GRIP2: variants seen among roughly 807,000 people sequenced by gnomAD.
The protein encoded by GRIP2 is glutamate receptor interacting protein 2, also known as glutamate receptor-interacting protein 2.
GRIP2 carries 58 observed loss-of-function variants against 108.3 expected under a neutral mutation model. That is an observed-to-expected ratio of 0.54 (90% CI 0.43 to 0.67). GRIP2 has a LOEUF of 0.67. Ranked by LOEUF, GRIP2 falls within the 30% of genes least tolerant of loss-of-function variation. GRIP2 has a pLI of 0.00. For missense variants in GRIP2, 1,278 were observed against 1,430.6 expected, an observed-to-expected ratio of 0.89 and a Z score of 1.72; for synonymous variants, 586 against 598.2, an observed-to-expected ratio of 0.98 and a Z score of 0.30.
chr3:14,540,193 T>C lies in GRIP2; in HGVS notation c.40+76A>G, dbSNP rs1002533242. On this transcript the variant is annotated intron_variant, in intron 1 of 23. Transcript: ENST00000621039. This position sits in a 1 kb window ranked among gnomAD's most constrained non-coding sequence, Gnocchi z 4.1. Reference sequence around the variant, plus strand: ...CCCAGGTCTCAGCCATCCAGTCCCCTCTCTCTGGGCAGCAGCTCCAGAGGG... The same window carrying C: ...CCCAGGTCTCAGCCATCCAGTCCCCCCTCTCTGGGCAGCAGCTCCAGAGGG... The C allele has an allele frequency of 2.3e-5, 35 of 1,541,712 alleles. No homozygotes were observed. The highest frequency in any genetic ancestry group is 2.8e-5 in the Non-Finnish European group (32 of 1,132,610).
the GRIP2 span, among the ~76,000 whole-genome samples, chr3:14,602,631 C>T: frequency 2.6e-5 from 4 of 151,702 alleles, no homozygotes; most frequent in South Asian, 4.1e-4. The surrounding 1 kb of genome is among the most constrained non-coding windows in gnomAD (Gnocchi z 4.7). Flanking sequence ...AGACCCTTCG[C>T]TCCAGCCCCC....
At chr3:14,593,492 G>C in the GRIP2 span, among the ~76,000 whole-genome samples, 5 of 152,216 alleles carry the variant, frequency 3.3e-5, no homozygotes, top group East Asian at 5.8e-4. Context: ...TGGACAGAAG[G>C]CATCACACAA....
Position 14,490,655 on chromosome 3 carries a change from T to G in GRIP2, c.*3010A>C, listed in dbSNP as rs541652668. 6.6e-6 allele frequency: 1 copy of G among 152,344 alleles called. No individual in the cohort carries two copies. Among genetic ancestry groups the G allele is most frequent in the African/African-American group, 2.4e-5 (1 of 41,472 alleles). The allele number at this position is 152,344 out of a possible 1,614,324, so 9.4% of individuals were successfully genotyped here. ...TACCCAAGCCTTCACGACTGATTCC[T>G]GCTACCTCCAACCTAGTCTCCAGCC... On this transcript the variant is annotated 3_prime_UTR_variant, in exon 24 of 24. Transcript: ENST00000621039.
chr3:14,554,012 A>C (rs1023542847), intron 1 of GRIP2, among the ~76,000 whole-genome samples: 1 of 152,084 alleles, frequency 6.6e-6, no homozygotes, highest in African/African-American at 2.4e-5. Flanking sequence ...CCCAGATGTG[A>C]CTGCCCTGGG....
At chr3:14,514,164 A>C in intron 12 of GRIP2, 128 bp downstream of exon 12, 1 of 913,460 alleles carries the variant, frequency 1.1e-6, no homozygotes, top group Non-Finnish European at 1.6e-6. Context: ...CTCATCTGTA[A>C]AATGGGGCTG....
At chr3:14,515,791 G>A (rs1016547723) in intron 11 of GRIP2, among the ~76,000 whole-genome samples, 1 of 151,984 alleles carries the variant, frequency 6.6e-6, no homozygotes, top group Non-Finnish European at 1.5e-5. Context: ...CACCATACAA[G>A]GCTAATTTGT....
chr3:14,528,175 A>T (rs1273886516), intron 1 of GRIP2, among the ~76,000 whole-genome samples: 1 of 152,162 alleles, frequency 6.6e-6, no homozygotes, highest in African/African-American at 2.4e-5. Context: ...TACGCTTTTG[A>T]GTCTAGTTTC....
intron 1 of GRIP2, among the ~76,000 whole-genome samples, chr3:14,550,922 C>A (rs1350545384): frequency 6.6e-6 from 1 of 152,206 alleles, no homozygotes; most frequent in Non-Finnish European, 1.5e-5. Context: ...TTCGCCTGCC[C>A]ACCTGCCCAC....
At chr3:14,508,937 C>A (rs906190265) in intron 17 of GRIP2, among the ~76,000 whole-genome samples, 1 of 152,148 alleles carries the variant, frequency 6.6e-6, no homozygotes, top group African/African-American at 2.4e-5. Flanking sequence ...CCGGCGAAGG[C>A]AGGAGGGTTG....
Position 14,521,872 on chromosome 3 carries a change from G to A in GRIP2, c.567-85C>T. The stretch of plus-strand genomic sequence containing the variant: ...GGGAGGGCGCTGGGAAGCGGGACAT[G>A]GAGGATGAAGAAGCAGGGAATGGGT... On this transcript the variant is annotated intron_variant, in intron 6 of 23. Transcript: ENST00000621039. The surrounding 1 kb of genome is among the most constrained non-coding windows in gnomAD (Gnocchi z 5.1). 7.6e-7 allele frequency: 1 copy of A among 1,313,158 alleles called. No homozygotes were observed. The highest frequency in any genetic ancestry group is 2.7e-5 in the East Asian group (1 of 36,554). The allele number at this position is 1,313,158 out of a possible 1,614,324, so 81.3% of individuals were successfully genotyped here. A position where few individuals can be genotyped will look rare whatever the true frequency, so the allele number is the denominator to read the frequency against.
the GRIP2 span, among the ~76,000 whole-genome samples, chr3:14,583,561 G>C: frequency 1.3e-5 from 2 of 152,330 alleles, no homozygotes; most frequent in East Asian, 3.9e-4. Flanking sequence ...AGGCTGGGAG[G>C]CTGAGAGGGA....
At position 14,503,642 on chromosome 3, in the gene GRIP2, C is replaced by G. The variant is rs1252285293; in HGVS notation, c.2603G>C (p.Gly868Ala). 1.2e-6 allele frequency: 2 copies of G among 1,610,696 alleles called. No homozygotes were observed. Among genetic ancestry groups the G allele is most frequent in the East Asian group, 2.2e-5 (1 of 44,806 alleles). The part of the protein sequence containing the change: ...SPAPGPAREE[G>A]FWRMFGEALE... Reference sequence around the variant, plus strand: ...AGCTTCTCCAAACATGCGCCAGAAGCCCTCCTCTCGGGCAGGGCCAGGGGC... The same window carrying G: ...AGCTTCTCCAAACATGCGCCAGAAGGCCTCCTCTCGGGCAGGGCCAGGGGC... The change falls in exon 21 of 24, where the codon GGC becomes GCC. Residue 868 changes from glycine (G) to alanine (A), a missense_variant. Transcript: ENST00000621039.
intron 13 of GRIP2, among the ~76,000 whole-genome samples, 165 bp from the exon 14 acceptor site, chr3:14,513,022 A>C (rs767982402): frequency 1.1e-4 from 16 of 152,188 alleles, no homozygotes; most frequent in Non-Finnish European, 1.6e-4. Flanking sequence ...AGGCAGAGTG[A>C]GCTGACAGAT....
chr3:14,549,645 C>CATAAGCCTCTAATA (rs1164005046), intron 1 of GRIP2, among the ~76,000 whole-genome samples: 7 of 152,206 alleles, frequency 4.6e-5, no homozygotes, highest in African/African-American at 1.7e-4. Flanking sequence ...AAAATGGGAA[C>CATAAGCCTCTAATA]ATAAGCCTCT....
chr3:14,541,163 G>A (rs1030842753), upstream of GRIP2, among the ~76,000 whole-genome samples: 15 of 152,208 alleles, frequency 9.9e-5, no homozygotes, highest in Admixed American at 8.5e-4. Flanking sequence ...ATGGACACCT[G>A]AGGCTCCTCC....
At chr3:14,551,295 A>G (rs1485891459) in intron 1 of GRIP2, among the ~76,000 whole-genome samples, 2 of 152,210 alleles carry the variant, frequency 1.3e-5, no homozygotes, top group Admixed American at 1.3e-4. Context: ...ACAGACAGAG[A>G]CAATGCCCGG....
In GRIP2 at chr3:14,513,806, C is replaced by A. The variant is rs1268032489; in HGVS notation, c.1498G>T (p.Gly500Trp). 1 of 1,612,634 alleles carries A rather than the reference C, an allele frequency of 6.2e-7. No homozygotes were observed. The highest frequency in any genetic ancestry group is 1.7e-5 in the Admixed American group (1 of 59,936). The change falls in exon 13 of 24, where the codon GGG (glycine) becomes TGG (tryptophan). Residue 500 changes from glycine to tryptophan, a missense_variant. By Grantham distance (184) the Gly-to-Trp change is radical (BLOSUM62 -2). Transcript: ENST00000621039. ...ACACGGTCCCCCACCTGCAGCAGCC[C>A]ACACCTGAACCCAGGGGGCCCGGCA... The part of the protein sequence containing the change: ...IEPDSPAERC[G>W]LLQVGDRVLS...
chr3:14,551,265 T>G (rs903861328), intron 1 of GRIP2, among the ~76,000 whole-genome samples: 1 of 152,164 alleles, frequency 6.6e-6, no homozygotes, highest in African/African-American at 2.4e-5. Flanking sequence ...ATGGTCCTGC[T>G]GGACTGAACA....
rs561558857 is a variant in GRIP2 at position 14,520,479 on chromosome 3, A to G, written c.771T>C (p.Ser257=). The G allele has an allele frequency of 1.2e-6, 2 of 1,613,856 alleles. No individual in the cohort carries two copies. Among genetic ancestry groups the G allele is most frequent in the South Asian group, 1.1e-5 (1 of 91,078 alleles). ...LMVEIVKTPG[S]ALGISLTTTS... is the part of the protein sequence containing the mutation. ...TGGTGGTGAGCGAGATCCCCAGGGC[A>G]GACCCTGGCGTCTTGACTATTTCCA... The change falls in exon 8 of 24, where the codon TCT becomes TCC. Residue 257 remains serine (S), a synonymous_variant. Transcript: ENST00000621039.
Sources: gnomAD v4.1 joint callset for allele counts (sites outside exome capture counted in the v4.1 genomes callset) on GRCh38, gnomAD v4.1.1 for gene constraint, Gnocchi (gnomAD v3.1) non-coding constraint, MANE v1.5 for transcripts, NCBI Gene and HGNC (gene_info 2026-07-23, HGNC 2026-07-21) for gene names.